DOCK3: variants seen among roughly 807,000 people sequenced by gnomAD.
DOCK3 encodes dedicator of cytokinesis 3.
In DOCK3, 60 loss-of-function variants were observed where a neutral mutation model predicts 265.6. The ratio of observed to expected loss-of-function variants is 0.23; its 90% CI spans 0.18 to 0.28. The LOEUF (loss-of-function observed/expected upper bound fraction) is 0.28. Among genes scored for constraint, DOCK3 ranks in the 10% least tolerant of loss-of-function variants. The pLI is 1.00. For missense variants in DOCK3, 1,981 were observed against 2,594.3 expected, an observed-to-expected ratio of 0.76 and a Z score of 5.14; for synonymous variants, 881 against 938.0, an observed-to-expected ratio of 0.94 and a Z score of 1.11.
At chr3:50,764,332 GA>G (rs914169122) in intron 1 of DOCK3, among the ~76,000 whole-genome samples, 4 of 151,984 alleles carry the variant, frequency 2.6e-5, no homozygotes, top group South Asian at 2.1e-4. Flanking sequence ...ATCAAAAATA[GA>G]AAAAAACCTA....
intron 3 of DOCK3, chr3:50,880,695 A>G (rs2047977605): frequency 6.6e-6 from 1 of 152,390 alleles, no homozygotes; most frequent in Admixed American, 6.6e-5. Context: ...TTCGACCAGA[A>G]GTACAAAGAG....
chr3:50,751,538 A>T (rs976133662), intron 1 of DOCK3, among the ~76,000 whole-genome samples: 7 of 152,206 alleles, frequency 4.6e-5, no homozygotes, highest in African/African-American at 4.8e-5. Flanking sequence ...CATAGGTATT[A>T]CAGCTTATGT....
intron 21 of DOCK3, among the ~76,000 whole-genome samples, chr3:51,242,022 T>G (rs2078632134): frequency 1.3e-5 from 2 of 152,302 alleles, no homozygotes; most frequent in African/African-American, 4.8e-5. Context: ...GTCCTTGTGC[T>G]GGTTCTTTTT....
At chr3:51,194,791 C>G (rs2088171352) in intron 12 of DOCK3, among the ~76,000 whole-genome samples, 2 of 143,874 alleles carry the variant, frequency 1.4e-5, no homozygotes, top group African/African-American at 5.1e-5. Flanking sequence ...CATTTTCAGT[C>G]TGTATGTGTC....
At chr3:50,862,589 C>T (rs1251737001) in intron 3 of DOCK3, among the ~76,000 whole-genome samples, 1 of 152,194 alleles carries the variant, frequency 6.6e-6, no homozygotes, top group Non-Finnish European at 1.5e-5. Flanking sequence ...GCTTCCCTAT[C>T]ATGACTTTGT....
intron 5 of DOCK3, among the ~76,000 whole-genome samples, chr3:51,020,597 T>C (rs998403743): frequency 6.6e-6 from 1 of 151,952 alleles, no homozygotes; most frequent in Admixed American, 6.6e-5. Context: ...GTTTTTATGG[T>C]TCTGGGTTTT....
chr3:51,381,295 C>T lies in DOCK3; in HGVS notation c.5829C>T (p.Ala1943=), dbSNP rs781935652. Residue 1943 remains alanine (A), a synonymous_variant, in exon 53 of 53, where the codon GCC becomes GCT. Coordinates refer to ENST00000266037, the MANE Select transcript of DOCK3 (RefSeq NM_004947.5). The surrounding 1 kb of genome is among the most constrained non-coding windows in gnomAD (Gnocchi z 5.6). The part of the protein sequence containing the change: ...LPVHYSLSES[A]VLDSIKAQPC... ...TCCACTACAGCCTCTCTGAGTCTGC[C>T]GTCCTGGACTCCATCAAGGCCCAGC... The T allele has an allele frequency of 1.2e-5, 19 of 1,613,586 alleles. No individual in the cohort carries two copies. The highest frequency in any genetic ancestry group is 1.4e-5 in the Non-Finnish European group (17 of 1,179,882).
chr3:51,083,662 T>G (rs1031115429), intron 7 of DOCK3, among the ~76,000 whole-genome samples: 1 of 152,056 alleles, frequency 6.6e-6, no homozygotes, highest in East Asian at 1.9e-4. Context: ...AGTCAAGAGC[T>G]TCAACAATAG....
chr3:50,933,882 A>T (rs1575565147), intron 4 of DOCK3, 99 bp from the exon 5 acceptor site: 1 of 710,298 alleles, frequency 1.4e-6, no homozygotes, highest in East Asian at 2.8e-5. Context: ...ATTTGCATAA[A>T]TTTAAAATTT....
intron 1 of DOCK3, among the ~76,000 whole-genome samples, chr3:50,701,598 C>G (rs2036044763): frequency 1.3e-5 from 2 of 152,128 alleles, no homozygotes; most frequent in Non-Finnish European, 2.9e-5. Context: ...AATGTAGCCC[C>G]ATTTGTCTAT....
intron 3 of DOCK3, 84 bp from the exon 4 acceptor site, chr3:50,889,942 T>C: frequency 5.3e-6 from 6 of 1,122,630 alleles, no homozygotes; most frequent in Non-Finnish European, 7.1e-6. Context: ...GTTTCTGTGC[T>C]GAAATCTGAT....
intron 5 of DOCK3, among the ~76,000 whole-genome samples, chr3:51,035,785 G>C (rs2108989016): frequency 6.6e-6 from 1 of 152,258 alleles, no homozygotes; most frequent in Admixed American, 6.5e-5. Flanking sequence ...CAGTGGCTTA[G>C]ATCTCAATTC....
chr3:51,308,708 T>C (rs2082854189), intron 27 of DOCK3, among the ~76,000 whole-genome samples: 1 of 152,252 alleles, frequency 6.6e-6, no homozygotes, highest in Non-Finnish European at 1.5e-5. Flanking sequence ...ATTGTCATCA[T>C]GGCCCGTTCT....
intron 5 of DOCK3, among the ~76,000 whole-genome samples, chr3:50,946,759 A>G (rs1387128073): frequency 6.6e-6 from 1 of 152,218 alleles, no homozygotes; most frequent in Non-Finnish European, 1.5e-5. Context: ...TTGTAACTGC[A>G]TTAGCATGCT....
At chr3:50,723,822 G>A (rs2037631229) in intron 1 of DOCK3, among the ~76,000 whole-genome samples, 1 of 152,116 alleles carries the variant, frequency 6.6e-6, no homozygotes, top group Non-Finnish European at 1.5e-5. Flanking sequence ...AAAAGCAATG[G>A]CAACAAAAGC....
At position 51,249,252 on chromosome 3, in the gene DOCK3, G is replaced by A. The variant is rs1363794265; in HGVS notation, c.2184+2445G>A. On this transcript the variant is annotated intron_variant, in intron 22 of 52. Coordinates refer to ENST00000266037, the MANE Select transcript of DOCK3 (RefSeq NM_004947.5). ...CCGCCCTGTCCGGGAGGTGAGGGGC[G>A]CCTCTGCCCGGCCGCCCCTACTGGG... 6.1e-5 allele frequency among the ~76,000 whole-genome samples: 8 copies of A among 130,794 alleles called. No homozygotes were observed. The South Asian group carries it at 7.5e-4, about 12-fold the overall frequency. The allele number at this position is 130,794 out of a possible 152,430, so 85.8% of individuals were successfully genotyped here.
rs191186888 is a variant in DOCK3, at chr3:51,000,858, C to T, written c.316-63590C>T. Among the ~76,000 whole-genome samples the T allele has an allele frequency of 3.3e-5, 5 of 152,152 alleles. No individual in the cohort carries two copies. The East Asian group carries it at 7.7e-4, about 24-fold the overall frequency. On this transcript the variant is annotated intron_variant, in intron 5 of 52. Transcript: ENST00000266037. ...AGTAGAGACAGGGTTTCGCCATGTTCGCCAGGCTGGTCTTGAACTCCTGAC... is the reference window on the plus strand; with the variant it reads ...AGTAGAGACAGGGTTTCGCCATGTTTGCCAGGCTGGTCTTGAACTCCTGAC...
At chr3:50,932,328 C>T (rs2108151129) in intron 4 of DOCK3, among the ~76,000 whole-genome samples, 1 of 152,132 alleles carries the variant, frequency 6.6e-6, no homozygotes, top group South Asian at 2.1e-4. Context: ...GCTTTGTCAG[C>T]TGTCTTCTTG....
intron 5 of DOCK3, among the ~76,000 whole-genome samples, chr3:51,058,149 T>C (rs141016031): frequency 2.0e-5 from 3 of 152,278 alleles, no homozygotes; most frequent in East Asian, 3.9e-4. Flanking sequence ...TCCTTACTTA[T>C]GGCCTCAGCT....
Sources: allele counts gnomAD v4.1 joint callset (sites outside exome capture counted in the v4.1 genomes callset), GRCh38; gene constraint gnomAD v4.1.1; non-coding constraint Gnocchi (gnomAD v3.1); transcripts MANE v1.5; gene names NCBI Gene and HGNC (gene_info 2026-07-23, HGNC 2026-07-21).